Variants in DENND1B observed in about 807,000 individuals in gnomAD.
The protein encoded by DENND1B is DENN domain-containing protein 1B.
In DENND1B, 59 loss-of-function variants were observed where a neutral mutation model predicts 90.1. The observed-to-expected ratio is 0.65, with a 90% CI of 0.53 to 0.81. DENND1B has a LOEUF of 0.81. Among genes scored for constraint, DENND1B ranks in the 40% least tolerant of loss-of-function variants. The pLI, the probability that DENND1B is intolerant of heterozygous loss-of-function variation, is 0.00. For missense variants in DENND1B, 862 were observed against 912.6 expected (o/e 0.94, Z 0.71); for synonymous variants, 337 against 324.6 (o/e 1.04, Z -0.41).
At chr1:197,597,598 C>T (rs1439059447) in intron 13 of DENND1B, among the ~76,000 whole-genome samples, 1 of 151,716 alleles carries the variant, frequency 6.6e-6, no homozygotes, top group Non-Finnish European at 1.5e-5. Context: ...CAAGTCAAGC[C>T]ATTCCTCAGC....
chr1:197,642,567 A>G lies in DENND1B; in HGVS notation c.672+144T>C, dbSNP rs960261557. Reference sequence around the variant, plus strand: ...ATAAATCAGACTTTTGTACTTCAAGAGCCAGATTAAAACCATACATCAAAA... The same window carrying G: ...ATAAATCAGACTTTTGTACTTCAAGGGCCAGATTAAAACCATACATCAAAA... On this transcript the variant is annotated intron_variant, in intron 10 of 22. Coordinates refer to ENST00000620048, the MANE Select transcript of DENND1B (RefSeq NM_001195215.2). 1.4e-5 allele frequency: 7 copies of G among 498,822 alleles called. 1 individual carries two copies. In the South Asian group the frequency reaches 2.8e-4, roughly 20 times the overall value. The allele number at this position is 498,822 out of a possible 1,614,324, so 30.9% of individuals were successfully genotyped here. A position where few individuals can be genotyped will look rare whatever the true frequency, so the allele number is the denominator to read the frequency against.
rs373735063 is a variant in DENND1B at position 197,522,959 on chromosome 1, CAG to C, written c.1516-10008_1516-10007del. Reference sequence around the variant, plus strand: ...TTAGAATAGCTGAGCGTCTCAAAGACAGGGGGAGTTTGCACACGCAAGCTCTT... The same window carrying C: ...TTAGAATAGCTGAGCGTCTCAAAGACGGGGAGTTTGCACACGCAAGCTCTT... On this transcript the variant is annotated intron_variant, in intron 20 of 22. Transcript: ENST00000620048. Among the ~76,000 whole-genome samples, 445 of 152,248 alleles carry C rather than the reference CAG, an allele frequency of 2.9e-3. 2 individuals carry two copies. Among genetic ancestry groups the C allele is most frequent in the African/African-American group, 9.8e-3 (409 of 41,538 alleles).
At chr1:197,771,305 A>C (rs1202430552) in intron 2 of DENND1B, among the ~76,000 whole-genome samples, 1 of 152,228 alleles carries the variant, frequency 6.6e-6, no homozygotes, top group African/African-American at 2.4e-5. Context: ...AAACCACTAT[A>C]GAATAGAATT....
chr1:197,571,179 T>C lies in DENND1B; in HGVS notation c.1149+11973A>G, dbSNP rs140704079. On this transcript the variant is annotated intron_variant, in intron 15 of 22. Transcript: ENST00000620048. ...CATAATTGGACTTTTGCCACCTCTCTCTCCTCTAACATATTTTCACATGGT... is the reference window on the plus strand; with the variant it reads ...CATAATTGGACTTTTGCCACCTCTCCCTCCTCTAACATATTTTCACATGGT... Among the ~76,000 whole-genome samples the C allele has an allele frequency of 2.7e-3, 418 of 152,180 alleles. 10 individuals are homozygous for C. Among genetic ancestry groups the C allele is most frequent in the Admixed American group, 0.023 (355 of 15,286 alleles).
chr1:197,769,607 G>A (rs545209057), intron 2 of DENND1B, among the ~76,000 whole-genome samples: 44 of 152,234 alleles, frequency 2.9e-4, no homozygotes, highest in African/African-American at 8.2e-4. Flanking sequence ...GATGTTTGAC[G>A]ACTTCTTGTA....
chr1:197,599,750 C>A (rs544220285), intron 13 of DENND1B, among the ~76,000 whole-genome samples: 1 of 151,840 alleles, frequency 6.6e-6, no homozygotes, highest in African/African-American at 2.4e-5. Context: ...TAACCTTTAA[C>A]ATTTATTAAA....
chr1:197,692,852 T>G (rs1658049616), intron 3 of DENND1B, among the ~76,000 whole-genome samples: 1 of 151,702 alleles, frequency 6.6e-6, no homozygotes, highest in South Asian at 2.1e-4. Flanking sequence ...TCCCTAAACT[T>G]TGCCTGGTAA....
chr1:197,665,587 C>A (rs2125971632), intron 5 of DENND1B, among the ~76,000 whole-genome samples: 1 of 152,110 alleles, frequency 6.6e-6, no homozygotes, highest in South Asian at 2.1e-4. Context: ...GTCAAGAAAT[C>A]CAAACAAAAT....
chr1:197,640,565 T>C (rs766922561), intron 10 of DENND1B, among the ~76,000 whole-genome samples: 1 of 152,122 alleles, frequency 6.6e-6, no homozygotes, highest in Non-Finnish European at 1.5e-5. Context: ...CTAAGCACTT[T>C]ATATATATGT....
At chr1:197,680,705 G>T (rs979828277) in intron 3 of DENND1B, among the ~76,000 whole-genome samples, 1 of 152,042 alleles carries the variant, frequency 6.6e-6, no homozygotes, top group African/African-American at 2.4e-5. Flanking sequence ...AAAATAGATG[G>T]ATATTCACAT....
At chr1:197,577,647 G>A (rs932121864) in intron 15 of DENND1B, among the ~76,000 whole-genome samples, 1 of 152,166 alleles carries the variant, frequency 6.6e-6, no homozygotes, top group African/African-American at 2.4e-5. Flanking sequence ...AAAAGTAAGA[G>A]ACCTGAAAAT....
At position 197,697,466 on chromosome 1, in the gene DENND1B, C is replaced by T. The variant is rs575151518; in HGVS notation, c.126+17565G>A. 4.0e-5 allele frequency among the ~76,000 whole-genome samples: 6 copies of T among 151,774 alleles called. No homozygotes were observed. The East Asian group carries it at 9.7e-4, about 24-fold the overall frequency. ...ACACTCAATTATCTGAACTATATGGCAGTGTCCTCCACTCTCACCCTAAAA... is the reference window on the plus strand; with the variant it reads ...ACACTCAATTATCTGAACTATATGGTAGTGTCCTCCACTCTCACCCTAAAA... On this transcript the variant is annotated intron_variant, in intron 3 of 22. Coordinates refer to ENST00000620048, the MANE Select transcript of DENND1B (RefSeq NM_001195215.2).
chr1:197,770,345 G>A (rs1175746195), intron 2 of DENND1B, among the ~76,000 whole-genome samples: 2 of 151,846 alleles, frequency 1.3e-5, no homozygotes, highest in African/African-American at 2.4e-5. Context: ...AAAAAGACAA[G>A]GTGTAATATT....
chr1:197,735,157 A>C (rs1662523338), intron 2 of DENND1B: 1 of 986,064 alleles, frequency 1.0e-6, no homozygotes, highest in Non-Finnish European at 1.2e-6. Context: ...AAAAGTTAAC[A>C]GAAAGGTACA....
chr1:197,645,206 A>C (rs1197247119), intron 9 of DENND1B, among the ~76,000 whole-genome samples: 2 of 152,126 alleles, frequency 1.3e-5, no homozygotes, highest in Admixed American at 1.3e-4. Flanking sequence ...TTTAAATTAA[A>C]ATCAGGAAAT....
intron 5 of DENND1B, among the ~76,000 whole-genome samples, chr1:197,665,330 A>C (rs972670469): frequency 6.6e-6 from 1 of 152,202 alleles, no homozygotes; most frequent in Non-Finnish European, 1.5e-5. Flanking sequence ...AGATTACAGT[A>C]ATTTCAAGTC....
Position 197,545,907 on chromosome 1 carries a change from A to G in DENND1B, c.1350+15T>C. On this transcript the variant is annotated intron_variant, in intron 18 of 22. Coordinates refer to ENST00000620048, the MANE Select transcript of DENND1B (RefSeq NM_001195215.2). The stretch of plus-strand genomic sequence containing the variant: ...AATTTCATAAATAGGATTGTTAAAT[A>G]TCAAAAAAACTTACAAATTTATATG... The G allele has an allele frequency of 1.3e-6, 2 of 1,589,396 alleles. No homozygotes were observed. Among genetic ancestry groups the G allele is most frequent in the Non-Finnish European group, 1.7e-6 (2 of 1,170,658 alleles).
At chr1:197,743,051 G>T (rs1663363738) in intron 2 of DENND1B, among the ~76,000 whole-genome samples, 1 of 152,188 alleles carries the variant, frequency 6.6e-6, no homozygotes, top group Non-Finnish European at 1.5e-5. Flanking sequence ...CCAGATAGAT[G>T]ACTGGGTTTT....
At chr1:197,545,022 A>AAGG (rs1553281577) in intron 18 of DENND1B, among the ~76,000 whole-genome samples, 3 of 138,074 alleles carry the variant, frequency 2.2e-5, no homozygotes, top group Non-Finnish European at 3.2e-5. Flanking sequence ...ACGACGACGA[A>AAGG]AGAAGGAGGA....
Sources: gnomAD v4.1 joint callset for allele counts (sites outside exome capture counted in the v4.1 genomes callset) on GRCh38, gnomAD v4.1.1 for gene constraint, MANE v1.5 for transcripts, NCBI Gene and HGNC (gene_info 2026-07-23, HGNC 2026-07-21) for gene names.